NRCAM: variants seen among roughly 807,000 people sequenced by gnomAD.
NRCAM encodes NgCAM-related cell adhesion molecule.
Under a neutral mutation model 156.5 loss-of-function variants are expected in NRCAM, and 83 were observed. The observed-to-expected ratio is 0.53, with a 90% CI of 0.44 to 0.64. The LOEUF (loss-of-function observed/expected upper bound fraction) is 0.64. NRCAM is among the 30% of genes least tolerant of loss of function. The pLI is 0.00. For synonymous variants in NRCAM, 538 were observed against 563.9 expected (o/e 0.95, Z 0.65); for missense variants, 1,417 against 1,597.3 (o/e 0.89, Z 1.92).
At position 108,180,303 on chromosome 7, in the gene NRCAM, T is replaced by C; in HGVS notation, c.2771A>G (p.Tyr924Cys). ...MLPGLEPFSH[Y>C]TLNVRVVNGK... is the part of the protein sequence containing the mutation. ...ATTGACCACTCGGACATTCAGTGTG[T>C]AGTGGCTAAAGGGCTCTAGCCCCGG... The change falls in exon 25 of 33, where the codon TAC (tyrosine) becomes TGC (cysteine). Residue 924 changes from tyrosine (Y) to cysteine (C), a missense_variant. Transcript: ENST00000379028. 2 of 1,614,214 alleles carry C rather than the reference T, an allele frequency of 1.2e-6. No homozygotes were observed. Among genetic ancestry groups the C allele is most frequent in the South Asian group, 2.2e-5 (2 of 91,084 alleles).
chr7:108,411,884 C>A (rs970547409), intron 1 of NRCAM, among the ~76,000 whole-genome samples: 3 of 152,150 alleles, frequency 2.0e-5, no homozygotes, highest in Non-Finnish European at 4.4e-5. Context: ...GTTTCGTAAC[C>A]ATTCCACTGT....
chr7:108,152,661 C>G (rs1267652854), intron 32 of NRCAM, among the ~76,000 whole-genome samples: 1 of 152,148 alleles, frequency 6.6e-6, no homozygotes, highest in Non-Finnish European at 1.5e-5. Flanking sequence ...AATTAGGCCA[C>G]GCCCATTTAT....
chr7:108,317,042 T>G (rs1235015092), intron 2 of NRCAM, among the ~76,000 whole-genome samples: 2 of 152,242 alleles, frequency 1.3e-5, no homozygotes, highest in Non-Finnish European at 2.9e-5. Context: ...TCTCTCCATT[T>G]CTGGCTGTAT....
intron 30 of NRCAM, among the ~76,000 whole-genome samples, chr7:108,161,192 TCA>T (rs1267696454): frequency 6.6e-6 from 1 of 152,174 alleles, no homozygotes; most frequent in Non-Finnish European, 1.5e-5. Flanking sequence ...AAGGATCCAT[TCA>T]AAAGACCGGA....
chr7:108,218,583 A>T (rs2090746975), intron 11 of NRCAM, among the ~76,000 whole-genome samples: 1 of 152,166 alleles, frequency 6.6e-6, no homozygotes, highest in African/African-American at 2.4e-5. Context: ...AAAACACGGA[A>T]ATTAAATAAC....
intron 1 of NRCAM, among the ~76,000 whole-genome samples, chr7:108,422,046 C>T (rs1041996881): frequency 6.6e-5 from 10 of 152,140 alleles, no homozygotes; most frequent in African/African-American, 2.2e-4. Context: ...GGATTCCAAC[C>T]TCCTCCACAG....
intron 2 of NRCAM, among the ~76,000 whole-genome samples, chr7:108,389,679 A>G (rs570567062): frequency 1.3e-5 from 2 of 152,266 alleles, no homozygotes; most frequent in East Asian, 1.9e-4. Context: ...TCAGTATGAT[A>G]TTGGCTATGG....
At chr7:108,281,745 TGACCATGCCAGCAGGCCTGAGCCGGG>T (rs1261461047) in intron 3 of NRCAM, among the ~76,000 whole-genome samples, 2 of 152,194 alleles carry the variant, frequency 1.3e-5, no homozygotes. Flanking sequence ...GGGGCTTCTC[TGACCATGCCAGCAGGCCTGAGCCGGG>T]GAAGGGGCAA....
At chr7:108,185,868 A>T (rs1333353642) in intron 20 of NRCAM, among the ~76,000 whole-genome samples, 9 of 152,218 alleles carry the variant, frequency 5.9e-5, no homozygotes, top group Admixed American at 5.9e-4. Context: ...GCTTGTGTAA[A>T]TGTAAAACGA....
intron 13 of NRCAM, among the ~76,000 whole-genome samples, chr7:108,201,077 T>C (rs1349648129): frequency 6.6e-6 from 1 of 151,492 alleles, no homozygotes. Flanking sequence ...TCTCAGAACT[T>C]ATTCATGTAA....
At position 108,286,002 on chromosome 7, in the gene NRCAM, G is replaced by A; in HGVS notation, c.-107+26663C>T. On this transcript the variant is annotated intron_variant, in intron 3 of 32. Transcript: ENST00000379028. ...TTTCTGGAAAGGGTCAAAAACGTAT[G>A]TATGGCTTATAGTAGGCTTTGTAAG... is the stretch of plus-strand genomic sequence containing the variant. Among the ~76,000 whole-genome samples, 2 of 152,196 alleles carry A rather than the reference G, an allele frequency of 1.3e-5. 1 individual carries two copies. The highest frequency in any genetic ancestry group is 4.1e-4 in the South Asian group (2 of 4,834).
chr7:108,232,272 G>T, intron 7 of NRCAM, 54 bp downstream of exon 7: 2 of 1,302,246 alleles, frequency 1.5e-6, no homozygotes, highest in Non-Finnish European at 2.1e-6. Flanking sequence ...CAGAAGCTGA[G>T]TCTTGGAGCA....
At chr7:108,245,499 T>A (rs12669568) in intron 3 of NRCAM, among the ~76,000 whole-genome samples, 11,118 of 152,164 alleles carry the variant, frequency 0.073, 589 homozygotes, top group African/African-American at 0.14. Context: ...AATTTAAGAC[T>A]ATGTAGACAA....
rs58115712 is a variant in NRCAM, at chr7:108,205,043, C to T, written c.1207+2485G>A. On this transcript the variant is annotated intron_variant, in intron 13 of 32. Transcript: ENST00000379028. ...AAGGTTCCCTCAGAGGCACTGCATA[C>T]TCTGGTACTATGGTCTGAATATTTG... Among the ~76,000 whole-genome samples the T allele has an allele frequency of 6.0e-4, 91 of 152,296 alleles. 2 individuals are homozygous for T. The East Asian group carries it at 0.017, about 28-fold the overall frequency.
intron 26 of NRCAM, chr7:108,176,874 T>G (rs2060696731): frequency 4.4e-6 from 1 of 226,628 alleles, no homozygotes; most frequent in Non-Finnish European, 8.5e-6. Flanking sequence ...ATGTTGTGGT[T>G]GAATCACAAT....
intron 20 of NRCAM, among the ~76,000 whole-genome samples, chr7:108,187,429 G>C (rs1004211648): frequency 3.9e-5 from 6 of 152,092 alleles, no homozygotes; most frequent in African/African-American, 1.4e-4. Flanking sequence ...CTAGACAACT[G>C]CATAGTGTGC....
At chr7:108,216,639 C>T (rs1417044308) in intron 11 of NRCAM, among the ~76,000 whole-genome samples, 1 of 152,106 alleles carries the variant, frequency 6.6e-6, no homozygotes, top group Non-Finnish European at 1.5e-5. Context: ...CTAATCTTGT[C>T]TTCACACTTT....
chr7:108,167,151 ATTCT>A (rs1470075886), intron 29 of NRCAM, 78 bp from the exon 30 acceptor site: 19 of 1,077,750 alleles, frequency 1.8e-5, no homozygotes, highest in Non-Finnish European at 2.6e-5. Flanking sequence ...AGAAAGGAAA[ATTCT>A]TTATAAGCTA....
At chr7:108,380,667 T>C (rs1342685424) in intron 2 of NRCAM, among the ~76,000 whole-genome samples, 3 of 152,188 alleles carry the variant, frequency 2.0e-5, no homozygotes, top group Admixed American at 2.0e-4. Flanking sequence ...TCTAGTTTTC[T>C]TGTGTGATTG....
Sources: allele counts gnomAD v4.1 joint callset (sites outside exome capture counted in the v4.1 genomes callset), GRCh38; gene constraint gnomAD v4.1.1; transcripts MANE v1.5; gene names NCBI Gene and HGNC (gene_info 2026-07-23, HGNC 2026-07-21).